Variants in LIN28B observed in about 807,000 individuals in gnomAD.
LIN28B encodes the protein lin-28 RNA binding posttranscriptional regulator B, also known as protein lin-28 homolog B.
Under a neutral mutation model 21.9 loss-of-function variants are expected in LIN28B, and 5 were observed. That is an observed-to-expected ratio of 0.23 (90% CI 0.12 to 0.48). The LOEUF is 0.48. Ranked by LOEUF, LIN28B falls within the 20% of genes least tolerant of loss-of-function variation. The pLI is 0.98. For synonymous variants in LIN28B, 109 were observed against 111.3 expected (o/e 0.98, Z 0.13); for missense variants, 245 against 310.5 (o/e 0.79, Z 1.58).
intron 3 of LIN28B, among the ~76,000 whole-genome samples, chr6:105,046,097 A>G (rs1562104739): frequency 1.3e-5 from 2 of 152,252 alleles, no homozygotes; most frequent in South Asian, 4.1e-4. Flanking sequence ...TACATGCGCC[A>G]TGTTGGTGTG....
At chr6:104,939,810 G>C (rs757549607) in intron 2 of LIN28B, among the ~76,000 whole-genome samples, 28 of 152,142 alleles carry the variant, frequency 1.8e-4, no homozygotes, top group Admixed American at 1.0e-3. Context: ...CAGATTACAA[G>C]GCGATATTCG....
At chr6:105,010,158 G>A (rs1236354555) in intron 2 of LIN28B, among the ~76,000 whole-genome samples, 1 of 151,776 alleles carries the variant, frequency 6.6e-6, no homozygotes. Context: ...GAGTATGAGA[G>A]CAGCCTGGGC....
At chr6:104,975,669 C>T (rs1049020006) in intron 2 of LIN28B, among the ~76,000 whole-genome samples, 2 of 150,728 alleles carry the variant, frequency 1.3e-5, no homozygotes, top group African/African-American at 4.9e-5. Flanking sequence ...TTTTTTTGGA[C>T]GCAAGACCTT....
At chr6:104,988,337 A>T (rs960244812) in intron 2 of LIN28B, among the ~76,000 whole-genome samples, 1 of 152,026 alleles carries the variant, frequency 6.6e-6, no homozygotes, top group African/African-American at 2.4e-5. Context: ...TAATGTGGTA[A>T]ATTGTGTTTT....
intron 3 of LIN28B, among the ~76,000 whole-genome samples, chr6:105,075,896 G>C (rs1772415729): frequency 6.6e-6 from 1 of 152,184 alleles, no homozygotes; most frequent in Admixed American, 6.5e-5. Flanking sequence ...ATGAGCTCCT[G>C]AGTGGAAGTT....
chr6:104,993,518 ATTTG>A (rs927079303), intron 2 of LIN28B, among the ~76,000 whole-genome samples: 2 of 152,154 alleles, frequency 1.3e-5, no homozygotes, highest in Non-Finnish European at 2.9e-5. Flanking sequence ...CCATTGTTTA[ATTTG>A]TTTGTTTCAG....
intron 3 of LIN28B, among the ~76,000 whole-genome samples, chr6:105,037,916 G>GA (rs1446226664): frequency 6.6e-6 from 1 of 151,972 alleles, no homozygotes; most frequent in Non-Finnish European, 1.5e-5. Flanking sequence ...ATGGTCCTGG[G>GA]AAAATTGTCT....
At chr6:105,063,700 T>C (rs939186212) in intron 3 of LIN28B, among the ~76,000 whole-genome samples, 1 of 151,444 alleles carries the variant, frequency 6.6e-6, no homozygotes, top group Non-Finnish European at 1.5e-5. Context: ...CTCTATTTTA[T>C]CATCACTTGC....
chr6:105,061,506 C>T (rs927306192), intron 3 of LIN28B, among the ~76,000 whole-genome samples: 3 of 150,688 alleles, frequency 2.0e-5, no homozygotes, highest in African/African-American at 4.9e-5. Context: ...TTTTTGCTCT[C>T]GCTCCCCCCA....
At chr6:104,953,433 T>C (rs576533929), upstream of LIN28B, among the ~76,000 whole-genome samples, 21 of 152,310 alleles carry the variant, frequency 1.4e-4, no homozygotes, top group South Asian at 3.9e-3. Context: ...GTGATATACG[T>C]CTGGAAATTC....
At chr6:104,941,957 TAGTA>T (rs1238347659) in intron 2 of LIN28B, among the ~76,000 whole-genome samples, 19 of 140,728 alleles carry the variant, frequency 1.4e-4, no homozygotes, top group African/African-American at 2.2e-4. Flanking sequence ...ATGTAAGTAA[TAGTA>T]AGTCCGCCAT....
intron 3 of LIN28B, among the ~76,000 whole-genome samples, chr6:105,043,390 A>C (rs1771683593): frequency 6.9e-6 from 1 of 145,126 alleles, no homozygotes; most frequent in Non-Finnish European, 1.5e-5. Context: ...AAAACTATAC[A>C]AAGTTAGTAT....
At chr6:104,960,124 A>C (rs314276) in intron 2 of LIN28B, among the ~76,000 whole-genome samples, 98,622 of 151,960 alleles carry the variant, frequency 0.65, 32,215 homozygotes, top group South Asian at 0.72. Flanking sequence ...TTGACTTAAT[A>C]TTCAGTTACA....
intron 3 of LIN28B, among the ~76,000 whole-genome samples, chr6:105,029,527 G>GT (rs561271276): frequency 2.1e-4 from 32 of 149,736 alleles, no homozygotes; most frequent in Admixed American, 6.0e-4. Context: ...TTTTATGCTG[G>GT]TTTTTTTTTT....
At position 105,057,304 on chromosome 6, in the gene LIN28B, T is replaced by A. The variant is rs185819195; in HGVS notation, c.384-21110T>A. Among the ~76,000 whole-genome samples the A allele has an allele frequency of 5.3e-5, 8 of 152,336 alleles. No homozygotes were observed. In the East Asian group the frequency reaches 1.2e-3, roughly 22 times the overall value. ...TCTTTTTATATACGTGACACTGAAT[T>A]TATGTCTCAGCATGAGGTTGAATTA... On this transcript the variant is annotated intron_variant, in intron 3 of 3. Transcript: ENST00000345080.
intron 2 of LIN28B, among the ~76,000 whole-genome samples, chr6:104,949,765 G>A (rs1245577049): frequency 6.6e-6 from 1 of 151,988 alleles, no homozygotes; most frequent in Non-Finnish European, 1.5e-5. Flanking sequence ...TTACTGTGTG[G>A]CCTCTTTATT....
intron 2 of LIN28B, among the ~76,000 whole-genome samples, chr6:104,948,413 G>T (rs925959335): frequency 7.9e-5 from 12 of 152,182 alleles, no homozygotes; most frequent in African/African-American, 2.9e-4. Flanking sequence ...GTTGCAGTGA[G>T]CCTAGATTGC....
chr6:104,974,164 G>C (rs1035001041), intron 2 of LIN28B, among the ~76,000 whole-genome samples: 1 of 152,142 alleles, frequency 6.6e-6, no homozygotes, highest in African/African-American at 2.4e-5. Flanking sequence ...AAGACTGTTT[G>C]TGAAGTTGGT....
At chr6:104,973,679 T>G (rs1240297500) in intron 2 of LIN28B, among the ~76,000 whole-genome samples, 1 of 152,216 alleles carries the variant, frequency 6.6e-6, no homozygotes, top group Non-Finnish European at 1.5e-5. Flanking sequence ...TAATAACAGA[T>G]AATAGAGTTT....
Sources: allele counts gnomAD v4.1 joint callset (sites outside exome capture counted in the v4.1 genomes callset), GRCh38; gene constraint gnomAD v4.1.1; transcripts MANE v1.5; gene names NCBI Gene and HGNC (gene_info 2026-07-23, HGNC 2026-07-21).